The following ANKRD6 variants were observed in gnomAD, a reference collection of about 807,000 sequenced individuals.
The protein encoded by ANKRD6 is ankyrin repeat domain 6.
A neutral mutation model predicts 82.3 loss-of-function variants in ANKRD6; 56 were observed. The ratio of observed to expected loss-of-function variants is 0.68; its 90% CI spans 0.55 to 0.85. The LOEUF (loss-of-function observed/expected upper bound fraction) is 0.85. Among genes scored for constraint, ANKRD6 ranks in the 40% least tolerant of loss-of-function variants. ANKRD6 has a pLI of 0.00. For synonymous variants in ANKRD6, 347 were observed against 352.1 expected (o/e 0.99, Z 0.16); for missense variants, 852 against 907.6 (o/e 0.94, Z 0.79).
At chr6:89,570,283 A>T (rs972790797) in intron 2 of ANKRD6, among the ~76,000 whole-genome samples, 1 of 151,770 alleles carries the variant, frequency 6.6e-6, no homozygotes, top group Non-Finnish European at 1.5e-5. Flanking sequence ...CTGGTCTCGA[A>T]CTCCTGGTCT....
chr6:89,478,636 G>A (rs1411389962), intron 1 of ANKRD6, among the ~76,000 whole-genome samples: 4 of 151,308 alleles, frequency 2.6e-5, no homozygotes, highest in Non-Finnish European at 5.9e-5. Flanking sequence ...GTGAGGAGGC[G>A]GGGAGGGGGC....
chr6:89,573,121 C>G (rs1790313283), intron 2 of ANKRD6, among the ~76,000 whole-genome samples: 1 of 152,102 alleles, frequency 6.6e-6, no homozygotes, highest in Admixed American at 6.6e-5. Context: ...TGCCACCATG[C>G]CTAGCTGATA....
chr6:89,474,363 G>A (rs1427707056), intron 1 of ANKRD6, among the ~76,000 whole-genome samples: 1 of 152,144 alleles, frequency 6.6e-6, no homozygotes, highest in Non-Finnish European at 1.5e-5. Context: ...TGTTCAGAAT[G>A]TACAGTGATC....
intron 1 of ANKRD6, chr6:89,561,097 C>A (rs12528828): frequency 2.0e-5 from 3 of 151,920 alleles, no homozygotes; most frequent in Admixed American, 2.0e-4. Context: ...CATCTTTATT[C>A]GGTGATATGT....
intron 2 of ANKRD6, among the ~76,000 whole-genome samples, chr6:89,573,383 G>A (rs922066320): frequency 3.3e-5 from 5 of 152,104 alleles, no homozygotes; most frequent in Admixed American, 6.5e-5. Context: ...CTGTAAAACC[G>A]TTCTTAGTGC....
At position 89,627,559 on chromosome 6, in the gene ANKRD6, C is replaced by T. The variant is rs781031584; in HGVS notation, c.1372-24C>T. ...TCACCCTGAGATCATCTCAGTCTTACACTCTGCTCCACTTCACTCCTAGAT... is the reference window on the plus strand; with the variant it reads ...TCACCCTGAGATCATCTCAGTCTTATACTCTGCTCCACTTCACTCCTAGAT... On this transcript the variant is annotated intron_variant, in intron 13 of 15. Coordinates refer to ENST00000339746, the MANE Select transcript of ANKRD6 (RefSeq NM_001242809.2). 62 of 1,609,106 alleles carry T rather than the reference C, an allele frequency of 3.9e-5. No individual in the cohort carries two copies. The Admixed American group carries it at 1.0e-3, about 26-fold the overall frequency.
chr6:89,523,317 G>C (rs1206185685), intron 1 of ANKRD6, among the ~76,000 whole-genome samples: 2 of 152,200 alleles, frequency 1.3e-5, no homozygotes, highest in Admixed American at 1.3e-4. Context: ...CCAGCTCTTA[G>C]TGAATGAAAG....
chr6:89,545,946 A>G (rs1785029113), intron 1 of ANKRD6, among the ~76,000 whole-genome samples: 1 of 152,134 alleles, frequency 6.6e-6, no homozygotes, highest in African/African-American at 2.4e-5. Flanking sequence ...CTGGGACCAC[A>G]GGTGCCCACC....
At chr6:89,440,140 A>G (rs1326590217) in intron 1 of ANKRD6, among the ~76,000 whole-genome samples, 2 of 152,248 alleles carry the variant, frequency 1.3e-5, no homozygotes, top group African/African-American at 4.8e-5. Flanking sequence ...AGAAAAACAA[A>G]TGGAAGTTTA....
chr6:89,627,811 T>G (rs777471162), intron 14 of ANKRD6, 115 bp downstream of exon 14: 18 of 744,982 alleles, frequency 2.4e-5, no homozygotes, highest in Non-Finnish European at 3.7e-5. Context: ...AGCTTTTACA[T>G]TATATAGTGT....
In ANKRD6 at chr6:89,630,686, G is replaced by T. The variant is rs1243707882; in HGVS notation, c.1866G>T (p.Lys622Asn). The change falls in exon 16 of 16, where the codon AAG (lysine) becomes AAT (asparagine). Residue 622 changes from lysine to asparagine, a missense_variant. By Grantham distance (94) the Lys-to-Asn change is moderately conservative. Coordinates refer to ENST00000339746, the MANE Select transcript of ANKRD6 (RefSeq NM_001242809.2). ...TCAACAGAGGCACTCAAACTAAGAA[G>T]TCTGGGAAGAGTGGGCCAACAAGGC... ...PCVNRGTQTK[K>N]SGKSGPTRHR... 1.2e-6 allele frequency: 2 copies of T among 1,614,030 alleles called. No individual in the cohort carries two copies. The highest frequency in any genetic ancestry group is 1.7e-6 in the Non-Finnish European group (2 of 1,179,898).
chr6:89,564,621 G>A (rs909466705), intron 1 of ANKRD6, among the ~76,000 whole-genome samples: 3 of 152,140 alleles, frequency 2.0e-5, no homozygotes, highest in African/African-American at 7.2e-5. Context: ...AGGCTGCACA[G>A]CACTGCTGGT....
chr6:89,525,871 C>T (rs984517281), intron 1 of ANKRD6, among the ~76,000 whole-genome samples: 1 of 152,206 alleles, frequency 6.6e-6, no homozygotes, highest in African/African-American at 2.4e-5. Flanking sequence ...TTGAGGTCTG[C>T]AGTTGCTTAT....
chr6:89,561,912 T>A (rs1012687451), intron 1 of ANKRD6, among the ~76,000 whole-genome samples: 2 of 152,170 alleles, frequency 1.3e-5, no homozygotes, highest in African/African-American at 2.4e-5. Context: ...TGCAGTCCAT[T>A]CCATTGCCCC....
At position 89,463,768 on chromosome 6, in the gene ANKRD6, C is replaced by G. The variant is rs964957554; in HGVS notation, c.-144+30393C>G. On this transcript the variant is annotated intron_variant, in intron 1 of 15. Transcript: ENST00000339746. ...GCTTCACCATGTCTGGCAGGCTGTTCTTGAACTCCTGACCTCAGGTGATCT... is the reference window on the plus strand; with the variant it reads ...GCTTCACCATGTCTGGCAGGCTGTTGTTGAACTCCTGACCTCAGGTGATCT... 2.0e-5 allele frequency among the ~76,000 whole-genome samples: 3 copies of G among 152,206 alleles called. No homozygotes were observed. In the South Asian group the frequency reaches 6.2e-4, roughly 32 times the overall value.
intron 1 of ANKRD6, among the ~76,000 whole-genome samples, chr6:89,487,562 C>T (rs1282233003): frequency 6.6e-6 from 1 of 152,192 alleles, no homozygotes; most frequent in East Asian, 1.9e-4. Flanking sequence ...GCTGTGGGAC[C>T]TCCCCATTCC....
chr6:89,612,475 A>T (rs1800475822), intron 6 of ANKRD6, 105 bp downstream of exon 6: 3 of 1,207,866 alleles, frequency 2.5e-6, no homozygotes, highest in Non-Finnish European at 1.1e-6. Flanking sequence ...TTAAAATGTA[A>T]AAAGTATTTG....
chr6:89,476,268 C>T (rs1051311538), intron 1 of ANKRD6, among the ~76,000 whole-genome samples: 1 of 152,090 alleles, frequency 6.6e-6, no homozygotes, highest in Non-Finnish European at 1.5e-5. Flanking sequence ...TCACTGCAAC[C>T]TCCGCCTCCT....
At chr6:89,454,208 T>A (rs1252360897) in intron 1 of ANKRD6, among the ~76,000 whole-genome samples, 1 of 152,218 alleles carries the variant, frequency 6.6e-6, no homozygotes. Flanking sequence ...GAAGGTCTTA[T>A]GGGTGCACAT....
Sources: allele counts gnomAD v4.1 joint callset (sites outside exome capture counted in the v4.1 genomes callset), GRCh38; gene constraint gnomAD v4.1.1; transcripts MANE v1.5; gene names NCBI Gene and HGNC (gene_info 2026-07-23, HGNC 2026-07-21).